The following CELF2 variants were observed in gnomAD, a reference collection of about 807,000 sequenced individuals.
The protein encoded by CELF2 is CUGBP Elav-like family member 2.
A neutral mutation model predicts 62.6 loss-of-function variants in CELF2; 8 were observed. The ratio of observed to expected loss-of-function variants is 0.13; its 90% CI spans 0.07 to 0.23. The LOEUF is 0.23. Ranked by LOEUF, CELF2 falls within the 10% of genes least tolerant of loss-of-function variation. The probability of loss-of-function intolerance (pLI) is 1.00; values close to 1 mark genes in which losing one functional copy is unlikely to be tolerated. For missense variants in CELF2, 333 were observed against 671.0 expected (o/e 0.50, Z 5.56); for synonymous variants, 258 against 250.0 (o/e 1.03, Z -0.30).
chr10:10,508,659 GATGTGT>G, the CELF2 span, among the ~76,000 whole-genome samples: 1 of 78,190 alleles, frequency 1.3e-5, no homozygotes, highest in East Asian at 1.2e-3. Context: ...TTCTTAAACA[GATGTGT>G]GTGTGTGTGT....
At chr10:10,532,582 G>T in the CELF2 span, among the ~76,000 whole-genome samples, 1 of 152,154 alleles carries the variant, frequency 6.6e-6, no homozygotes, top group Admixed American at 6.5e-5. Context: ...GCAGCAGAAC[G>T]TTAGTTAAAT....
At chr10:11,100,088 C>T (rs1208962196) in intron 1 of CELF2, among the ~76,000 whole-genome samples, 1 of 151,854 alleles carries the variant, frequency 6.6e-6, no homozygotes, top group African/African-American at 2.4e-5. Context: ...TCTGAAATTC[C>T]AGTTGCCCAG....
chr10:10,771,550 C>A, the CELF2 span, among the ~76,000 whole-genome samples: 1 of 152,274 alleles, frequency 6.6e-6, no homozygotes, highest in East Asian at 1.9e-4. Flanking sequence ...GTGGGAGGGA[C>A]CTGGTGAGAG....
At chr10:10,713,103 T>C in the CELF2 span, among the ~76,000 whole-genome samples, 1 of 152,216 alleles carries the variant, frequency 6.6e-6, no homozygotes, top group Non-Finnish European at 1.5e-5. Flanking sequence ...AGAAAACCTT[T>C]GCCTACTGTT....
chr10:10,915,067 G>A (rs1008671345), intron 1 of CELF2, among the ~76,000 whole-genome samples: 4 of 151,262 alleles, frequency 2.6e-5, no homozygotes, highest in Non-Finnish European at 5.9e-5. Flanking sequence ...GGGAGGCGGA[G>A]GTTGCAGTGA....
At chr10:10,932,011 C>T (rs1048462191) in intron 2 of CELF2, among the ~76,000 whole-genome samples, 16 of 152,098 alleles carry the variant, frequency 1.1e-4, no homozygotes. Context: ...AGACCTGCCC[C>T]CATGATTCCA....
the CELF2 span, among the ~76,000 whole-genome samples, chr10:10,642,473 G>A: frequency 6.6e-6 from 1 of 152,204 alleles, no homozygotes; most frequent in Admixed American, 6.5e-5. Context: ...CAAGGAGCAA[G>A]AGGAAAATTG....
intron 7 of CELF2, among the ~76,000 whole-genome samples, chr10:11,273,837 T>G (rs1049286761): frequency 6.6e-6 from 1 of 151,998 alleles, no homozygotes; most frequent in Non-Finnish European, 1.5e-5. Context: ...TTCTCATGCC[T>G]CAGCCTCCTA....
At chr10:10,683,103 A>C in the CELF2 span, among the ~76,000 whole-genome samples, 1 of 152,258 alleles carries the variant, frequency 6.6e-6, no homozygotes, top group Admixed American at 6.5e-5. Context: ...GCCCTCTTAA[A>C]TAATTTAACA....
chr10:10,482,064 G>A, the CELF2 span, among the ~76,000 whole-genome samples: 2 of 152,096 alleles, frequency 1.3e-5, no homozygotes, highest in Admixed American at 6.6e-5. Context: ...TGCTATAATA[G>A]GTGAACAATA....
the CELF2 span, among the ~76,000 whole-genome samples, chr10:10,514,635 G>A: frequency 7.2e-5 from 11 of 152,184 alleles, 1 homozygote; most frequent in South Asian, 4.1e-4. Flanking sequence ...GGATTCAGAC[G>A]TGGCAAGAAG....
rs1211233672 is a variant in CELF2, at chr10:10,983,550, C to T, written c.89+63551C>T. Among the ~76,000 whole-genome samples the T allele has an allele frequency of 2.0e-5, 3 of 152,028 alleles. No homozygotes were observed. Among genetic ancestry groups the T allele is most frequent in the African/African-American group, 7.2e-5 (3 of 41,402 alleles). Reference sequence around the variant, plus strand: ...TGATGGGTGCTACCGAAGATACATCCGTAGTTTTTGTTTTTGGTTTTTGGT... The same window carrying T: ...TGATGGGTGCTACCGAAGATACATCTGTAGTTTTTGTTTTTGGTTTTTGGT... On this transcript the variant is annotated intron_variant, in intron 2 of 13. Transcript: ENST00000636488. The surrounding 1 kb of genome is among the most constrained non-coding windows in gnomAD (Gnocchi z 5.2).
chr10:10,464,367 A>C, the CELF2 span, among the ~76,000 whole-genome samples: 7 of 152,196 alleles, frequency 4.6e-5, no homozygotes, highest in Non-Finnish European at 8.8e-5. Context: ...TTTCCATAGA[A>C]TCAGTGACTA....
At chr10:10,851,872 A>G in intron 1 of CELF2, among the ~76,000 whole-genome samples, 1 of 152,220 alleles carries the variant, frequency 6.6e-6, no homozygotes, top group South Asian at 2.1e-4. Context: ...ATAAGTCATT[A>G]CAGAAATGAA....
Position 11,270,696 on chromosome 10 carries a change from G to C in CELF2, c.649G>C (p.Ala217Pro). 1 of 1,541,486 alleles carries C rather than the reference G, an allele frequency of 6.5e-7. No homozygotes were observed. The highest frequency in any genetic ancestry group is 8.8e-7 in the Non-Finnish European group (1 of 1,139,746). Reference protein sequence around the residue: ...GCSSPIVVKFADTQKDKEQRR... With the variant: ...GCSSPIVVKFPDTQKDKEQRR... ...CTCTTCACCTATCGTGGTGAAGTTT[G>C]CTGACACTCAGAAGGACAAAGAGCA... Residue 217 changes from alanine (A) to proline (P), a missense_variant, in exon 7 of 13, where the codon GCT (alanine) becomes CCT (proline). This residue lies in a region of CELF2 where 253 missense variants were observed against 503.0 expected (regional missense o/e 0.50). Transcript: ENST00000633077. The surrounding 1 kb of genome is among the most constrained non-coding windows in gnomAD (Gnocchi z 5.8).
At chr10:10,907,358 T>C (rs2063433742) in intron 1 of CELF2, among the ~76,000 whole-genome samples, 2 of 152,256 alleles carry the variant, frequency 1.3e-5, no homozygotes, top group Non-Finnish European at 1.5e-5. Flanking sequence ...AACTAATTAT[T>C]TGAGACGTTA....
At chr10:10,924,021 C>T (rs907486996) in intron 2 of CELF2, 3 of 151,708 alleles carry the variant, frequency 2.0e-5, no homozygotes, top group Admixed American at 6.6e-5. Flanking sequence ...ATGGTGAAAC[C>T]CCACTTGTTC....
the CELF2 span, among the ~76,000 whole-genome samples, chr10:10,789,689 T>G: frequency 6.6e-6 from 1 of 152,140 alleles, no homozygotes; most frequent in African/African-American, 2.4e-5. Flanking sequence ...CATTTTGTTT[T>G]TACTTATATT....
chr10:10,546,030 C>T, the CELF2 span, among the ~76,000 whole-genome samples: 1 of 152,086 alleles, frequency 6.6e-6, no homozygotes, highest in Non-Finnish European at 1.5e-5. Flanking sequence ...TTGTGCTAAA[C>T]CCCTCAGGAT....
Sources: gnomAD v4.1 joint callset for allele counts (sites outside exome capture counted in the v4.1 genomes callset) on GRCh38, gnomAD v4.1.1 for gene constraint, gnomAD v4.1.1 regional missense constraint, Gnocchi (gnomAD v3.1) non-coding constraint, MANE v1.5 for transcripts, NCBI Gene and HGNC (gene_info 2026-07-23, HGNC 2026-07-21) for gene names.